Variants in EPS15L1 observed in about 807,000 individuals in gnomAD.
EPS15L1 encodes epidermal growth factor receptor pathway substrate 15 like 1, also known as epidermal growth factor receptor substrate 15-like 1.
Under a neutral mutation model 117.1 loss-of-function variants are expected in EPS15L1, and 43 were observed. The ratio of observed to expected loss-of-function variants is 0.37; its 90% CI spans 0.29 to 0.47. The LOEUF (loss-of-function observed/expected upper bound fraction) is 0.47, where lower values mean the gene tolerates loss of function less well. Among genes scored for constraint, EPS15L1 ranks in the 20% least tolerant of loss-of-function variants. The pLI is 0.99. For missense variants in EPS15L1, 981 were observed against 1,164.0 expected, an observed-to-expected ratio of 0.84 and a Z score of 2.29; for synonymous variants, 459 against 470.5, an observed-to-expected ratio of 0.98 and a Z score of 0.32.
chr19:16,359,441 G>C (rs1424163425), intron 23 of EPS15L1, among the ~76,000 whole-genome samples: 1 of 152,052 alleles, frequency 6.6e-6, no homozygotes, highest in Non-Finnish European at 1.5e-5. Flanking sequence ...CGACCCAAGG[G>C]GACAAACAAA....
chr19:16,417,564 G>A lies in EPS15L1; in HGVS notation c.1181C>T (p.Ala394Val). 2 of 1,613,766 alleles carry A rather than the reference G, an allele frequency of 1.2e-6. No individual in the cohort carries two copies. The highest frequency in any genetic ancestry group is 8.5e-7 in the Non-Finnish European group (1 of 1,179,744). ...GTTTCCAACATACCTTTGTAACTGG[G>A]CAATCTCTTGACTGATGTCATCAAG... ...KELDDISQEI[A>V]QLQREKYSLE... Residue 394 changes from alanine to valine, a missense_variant, in exon 12 of 24, where the codon GCC becomes GTC. Physicochemically the swap from Ala to Val is moderately conservative, Grantham distance 64. Around this residue, in one of 5 missense-constraint regions of EPS15L1, gnomAD observed 819 missense variants for 949.0 expected, o/e 0.86. Transcript: ENST00000455140.
Position 16,404,839 on chromosome 19 carries a change from G to C in EPS15L1, c.1267-90C>G. On this transcript the variant is annotated intron_variant, in intron 13 of 23. Transcript: ENST00000455140. The surrounding 1 kb of genome is among the most constrained non-coding windows in gnomAD (Gnocchi z 4.2). ...GGGCAGCCTGGGCCAGAAGTCCAGG[G>C]GAAGCCTCCGAAACCACCCACTGTG... 1.4e-6 allele frequency: 2 copies of C among 1,443,636 alleles called. No homozygotes were observed. 89.4% of individuals were successfully genotyped at this position (1,443,636 alleles called of 1,614,324 possible).
At position 16,434,508 on chromosome 19, in the gene EPS15L1, G is replaced by A. The variant is rs1331079618; in HGVS notation, c.373-18C>T. 4 of 1,610,298 alleles carry A rather than the reference G, an allele frequency of 2.5e-6. No homozygotes were observed. In the African/African-American group the frequency reaches 5.3e-5, roughly 22 times the overall value. On this transcript the variant is annotated intron_variant, in intron 6 of 23. Coordinates refer to ENST00000455140, the MANE Select transcript of EPS15L1 (RefSeq NM_001258374.3). ...TCTTCCACCTAGTTGGAAAGAAATA[G>A]CCCGAGTAAGTAGGAGAGCACACCT...
chr19:16,456,554 G>A (rs1390897416), intron 1 of EPS15L1, among the ~76,000 whole-genome samples: 1 of 151,964 alleles, frequency 6.6e-6, no homozygotes, highest in African/African-American at 2.4e-5. Flanking sequence ...CTACTTGGGA[G>A]GCTGAGGCGG....
intron 23 of EPS15L1, chr19:16,358,031 TG>T: frequency 6.6e-6 from 1 of 152,468 alleles, no homozygotes; most frequent in Non-Finnish European, 1.5e-5. Flanking sequence ...ACAGGGTGGG[TG>T]GGAGCTGACA....
rs1263142610 is a variant in EPS15L1, at chr19:16,405,211, G to A, written c.1267-462C>T. ...CAACAGGTGAGCAGGTGCCAGGCAG[G>A]TGAAGAGCCAGGGACAGAGCCTGGC... On this transcript the variant is annotated intron_variant, in intron 13 of 23. Transcript: ENST00000455140. This position sits in a 1 kb window ranked among gnomAD's most constrained non-coding sequence, Gnocchi z 4.0. 2.0e-5 allele frequency among the ~76,000 whole-genome samples: 3 copies of A among 152,214 alleles called. No individual in the cohort carries two copies. The highest frequency in any genetic ancestry group is 2.9e-5 in the Non-Finnish European group (2 of 68,034).
intron 1 of EPS15L1, among the ~76,000 whole-genome samples, chr19:16,470,120 G>A (rs766839334): frequency 5.9e-5 from 9 of 152,160 alleles, no homozygotes; most frequent in African/African-American, 2.2e-4. Flanking sequence ...AGTGGCTAAC[G>A]CCTGTAATCC....
intron 10 of EPS15L1, among the ~76,000 whole-genome samples, chr19:16,420,516 T>C (rs2092803296): frequency 6.6e-6 from 1 of 152,170 alleles, no homozygotes; most frequent in Admixed American, 6.5e-5. Flanking sequence ...CGACAGCTAG[T>C]TCTCAGGCTC....
At chr19:16,415,051 T>C (rs1429886912) in intron 12 of EPS15L1, among the ~76,000 whole-genome samples, 2 of 152,158 alleles carry the variant, frequency 1.3e-5, no homozygotes, top group Non-Finnish European at 2.9e-5. Context: ...ATGTATTTCC[T>C]AGCACTGCTG....
intron 6 of EPS15L1, among the ~76,000 whole-genome samples, chr19:16,436,037 A>G (rs1007093838): frequency 3.9e-5 from 6 of 152,224 alleles, no homozygotes; most frequent in African/African-American, 1.2e-4. Context: ...CCTTCACCAC[A>G]GTGATTGCCA....
At chr19:16,397,903 T>C (rs2092556807) in intron 16 of EPS15L1, among the ~76,000 whole-genome samples, 1 of 152,170 alleles carries the variant, frequency 6.6e-6, no homozygotes, top group Non-Finnish European at 1.5e-5. Context: ...TTCACTGTGA[T>C]ATTAAAAAAA....
At chr19:16,409,663 C>T (rs923571629) in intron 13 of EPS15L1, among the ~76,000 whole-genome samples, 19 of 152,108 alleles carry the variant, frequency 1.2e-4, no homozygotes, top group Non-Finnish European at 1.8e-4. Flanking sequence ...ATAGGCCAGG[C>T]GCAGTGGCTC....
chr19:16,440,648 A>G, intron 4 of EPS15L1: 1 of 358,700 alleles, frequency 2.8e-6, no homozygotes. Flanking sequence ...AAATAAATAA[A>G]TAAATAAATA....
Position 16,405,264 on chromosome 19 carries a change from G to A in EPS15L1, c.1267-515C>T, listed in dbSNP as rs546273533. Among the ~76,000 whole-genome samples the A allele has an allele frequency of 3.9e-5, 6 of 152,246 alleles. No homozygotes were observed. Among genetic ancestry groups the A allele is most frequent in the South Asian group, 2.1e-4 (1 of 4,824 alleles). On this transcript the variant is annotated intron_variant, in intron 13 of 23. Coordinates refer to ENST00000455140, the MANE Select transcript of EPS15L1 (RefSeq NM_001258374.3). This position sits in a 1 kb window ranked among gnomAD's most constrained non-coding sequence, Gnocchi z 4.0. Reference sequence around the variant, plus strand: ...AGGGAACCACAGGGACCCCAGGGTCGGGGGGTGTCGCACTCCAGCTAGAGC... The same window carrying A: ...AGGGAACCACAGGGACCCCAGGGTCAGGGGGTGTCGCACTCCAGCTAGAGC...
chr19:16,459,784 C>T (rs934838163), intron 1 of EPS15L1, among the ~76,000 whole-genome samples: 4 of 152,040 alleles, frequency 2.6e-5, no homozygotes, highest in Non-Finnish European at 5.9e-5. Flanking sequence ...GAATGGTGGG[C>T]GGGGAGGGAG....
At chr19:16,428,598 GAA>G (rs1317698697) in intron 8 of EPS15L1, 102 bp downstream of exon 8, 2 of 729,248 alleles carry the variant, frequency 2.7e-6, no homozygotes, top group South Asian at 1.8e-5. Flanking sequence ...GAAAAGAAAA[GAA>G]AAAAGAAAAG....
chr19:16,465,414 T>G (rs2093295188), intron 1 of EPS15L1, among the ~76,000 whole-genome samples: 2 of 152,156 alleles, frequency 1.3e-5, no homozygotes, highest in African/African-American at 4.8e-5. Flanking sequence ...CTGGGAGTGG[T>G]GGCTCACACC....
In EPS15L1 at chr19:16,437,379, G is replaced by GC. The variant is rs533118594; in HGVS notation, c.310-381dup. 2.0e-3 allele frequency among the ~76,000 whole-genome samples: 310 copies of GC among 152,276 alleles called. 2 individuals carry two copies. The highest frequency in any genetic ancestry group is 7.2e-3 in the African/African-American group (298 of 41,558). On this transcript the variant is annotated intron_variant, in intron 5 of 23. Coordinates refer to ENST00000455140, the MANE Select transcript of EPS15L1 (RefSeq NM_001258374.3). ...CTGAAAACACGATGCTGAGAGAGAGGCCAGACACAAAAGACCATGTTAGAG... is the reference window on the plus strand; with the variant it reads ...CTGAAAACACGATGCTGAGAGAGAGGCCCAGACACAAAAGACCATGTTAGAG...
At position 16,405,542 on chromosome 19, in the gene EPS15L1, T is replaced by C. The variant is rs2092647807; in HGVS notation, c.1267-793A>G. On this transcript the variant is annotated intron_variant, in intron 13 of 23. Transcript: ENST00000455140. The surrounding 1 kb of genome is among the most constrained non-coding windows in gnomAD (Gnocchi z 4.0). Reference sequence around the variant, plus strand: ...ACAGCGTGTGCAGAGGTATACAACGTCTATGACAGCAAAATCCGTAAACAA... The same window carrying C: ...ACAGCGTGTGCAGAGGTATACAACGCCTATGACAGCAAAATCCGTAAACAA... 2.0e-5 allele frequency among the ~76,000 whole-genome samples: 3 copies of C among 152,090 alleles called. No individual in the cohort carries two copies. The highest frequency in any genetic ancestry group is 2.0e-4 in the Admixed American group (3 of 15,278).
Sources: allele counts gnomAD v4.1 joint callset (sites outside exome capture counted in the v4.1 genomes callset), GRCh38; gene constraint gnomAD v4.1.1; regional missense constraint gnomAD v4.1.1; non-coding constraint Gnocchi (gnomAD v3.1); transcripts MANE v1.5; gene names NCBI Gene and HGNC (gene_info 2026-07-23, HGNC 2026-07-21).